ENOX1: variants seen among roughly 807,000 people sequenced by gnomAD.
ENOX1 encodes the protein candidate growth-related and time keeping constitutive hydroquinone (NADH) oxidase.
In ENOX1, 42 loss-of-function variants were observed where a neutral mutation model predicts 82.5. That is an observed-to-expected ratio of 0.51 (90% CI 0.40 to 0.66). The LOEUF (loss-of-function observed/expected upper bound fraction) is 0.66, where lower values mean the gene tolerates loss of function less well. Among genes scored for constraint, ENOX1 ranks in the 30% least tolerant of loss-of-function variants. The pLI is 0.00. For synonymous variants in ENOX1, 271 were observed against 282.2 expected (o/e 0.96, Z 0.40); for missense variants, 608 against 811.6 (o/e 0.75, Z 3.05).
At chr13:43,651,694 C>A (rs1237504) in intron 2 of ENOX1, among the ~76,000 whole-genome samples, 1 of 56,824 alleles carries the variant, frequency 1.8e-5, no homozygotes, top group Non-Finnish European at 4.7e-5. Flanking sequence ...GAGACTCTGT[C>A]TAAAAAAAAA....
At chr13:43,767,393 C>T (rs1218358536) in intron 1 of ENOX1, among the ~76,000 whole-genome samples, 1 of 152,114 alleles carries the variant, frequency 6.6e-6, no homozygotes, top group Non-Finnish European at 1.5e-5. Context: ...GAACCTGTGC[C>T]CTGAAGTATG....
rs1246980151 is a variant in ENOX1, at chr13:43,674,141, T to C, written c.-284-6597A>G. Among the ~76,000 whole-genome samples the C allele has an allele frequency of 2.0e-5, 3 of 152,196 alleles. No homozygotes were observed. The East Asian group carries it at 5.8e-4, about 29-fold the overall frequency. ...TAAGAGTAAAGCTAAAAAGAACGAA[T>C]GTCCAAGACACACATGCATTTAACT... On this transcript the variant is annotated intron_variant, in intron 1 of 16. Transcript: ENST00000690772.
At chr13:43,781,948 A>T (rs982423080) in intron 1 of ENOX1, among the ~76,000 whole-genome samples, 4 of 152,200 alleles carry the variant, frequency 2.6e-5, no homozygotes, top group Non-Finnish European at 4.4e-5. Context: ...TTATATATTT[A>T]TTTGTTTGCT....
chr13:43,585,791 C>G (rs901654087), intron 2 of ENOX1, among the ~76,000 whole-genome samples: 2 of 152,146 alleles, frequency 1.3e-5, no homozygotes, highest in Non-Finnish European at 2.9e-5. Flanking sequence ...GTTGGCCAGG[C>G]TGGTCTCGAA....
At chr13:43,610,549 A>C (rs1285111937) in intron 2 of ENOX1, among the ~76,000 whole-genome samples, 2 of 152,212 alleles carry the variant, frequency 1.3e-5, no homozygotes, top group African/African-American at 4.8e-5. Context: ...GAACAGGATT[A>C]GTTCACGCAC....
intron 12 of ENOX1, among the ~76,000 whole-genome samples, chr13:43,281,106 C>A (rs1311784360): frequency 6.6e-6 from 1 of 152,140 alleles, no homozygotes. Context: ...GAACAGTTTC[C>A]CCATAGGCTT....
intron 12 of ENOX1, among the ~76,000 whole-genome samples, chr13:43,295,028 A>C (rs1056569901): frequency 6.6e-6 from 1 of 152,246 alleles, no homozygotes. Context: ...TGATTGTGGT[A>C]GTGGTGGTTA....
chr13:43,588,260 T>C (rs1168290698), intron 2 of ENOX1, among the ~76,000 whole-genome samples: 1 of 152,198 alleles, frequency 6.6e-6, no homozygotes, highest in Non-Finnish European at 1.5e-5. Context: ...ATTATCTTAT[T>C]AAAGCAAAAT....
intron 2 of ENOX1, among the ~76,000 whole-genome samples, chr13:43,593,366 G>C (rs2081323801): frequency 6.6e-6 from 1 of 152,092 alleles, no homozygotes; most frequent in African/African-American, 2.4e-5. Flanking sequence ...TGGGGAGAGA[G>C]TGACCTTGAG....
Position 43,538,848 on chromosome 13 carries a change from C to T in ENOX1, c.-218-54696G>A, listed in dbSNP as rs183571220. 1.7e-3 allele frequency among the ~76,000 whole-genome samples: 260 copies of T among 151,978 alleles called. 1 individual carries two copies. Among genetic ancestry groups the T allele is most frequent in the Non-Finnish European group, 2.7e-3 (186 of 67,978 alleles). On this transcript the variant is annotated intron_variant, in intron 2 of 16. Transcript: ENST00000690772. ...CTCCCCGCCCCTGCCCTTTTGGAGA[C>T]GGGGTCTCACTCTCATTCACACTGG...
chr13:43,285,094 T>C (rs2045616671), intron 12 of ENOX1, among the ~76,000 whole-genome samples: 1 of 152,172 alleles, frequency 6.6e-6, no homozygotes. Context: ...GAGGACCAGA[T>C]TGGGCACTAA....
At chr13:43,758,900 C>CA (rs924496293) in intron 1 of ENOX1, among the ~76,000 whole-genome samples, 126 of 152,146 alleles carry the variant, frequency 8.3e-4, no homozygotes, top group African/African-American at 2.9e-3. Context: ...GTCATAAATT[C>CA]AAAATTTTAT....
chr13:43,344,669 T>A lies in ENOX1; in HGVS notation c.905A>T (p.Gln302Leu), dbSNP rs2049272864. Reference sequence around the variant, plus strand: ...GGCCGACTGCACCATGGAATAGAACTGGTTTGCAGAGCGCCGATTCACTTC... The same window carrying A: ...GGCCGACTGCACCATGGAATAGAACAGGTTTGCAGAGCGCCGATTCACTTC... ...RGEVNRRSANQFYSMVQSANS... is the reference protein window; with the variant it reads ...RGEVNRRSANLFYSMVQSANS... Residue 302 changes from glutamine (Q) to leucine (L), a missense_variant, in exon 9 of 17, where the codon CAG becomes CTG. Physicochemically the swap from Gln to Leu is moderately radical, Grantham distance 113 (BLOSUM62 -2). Coordinates refer to ENST00000690772, the MANE Select transcript of ENOX1 (RefSeq NM_001347969.2). The A allele has an allele frequency of 3.1e-6, 5 of 1,614,152 alleles. No homozygotes were observed. The highest frequency in any genetic ancestry group is 3.4e-6 in the Non-Finnish European group (4 of 1,180,018).
chr13:43,672,301 A>G (rs541661921), intron 1 of ENOX1, among the ~76,000 whole-genome samples: 2 of 152,360 alleles, frequency 1.3e-5, no homozygotes, highest in South Asian at 4.1e-4. Context: ...TTAAGTACTT[A>G]CTAAAGTAAA....
At chr13:43,251,840 C>G (rs943154733) in intron 14 of ENOX1, among the ~76,000 whole-genome samples, 1 of 152,098 alleles carries the variant, frequency 6.6e-6, no homozygotes, top group African/African-American at 2.4e-5. Flanking sequence ...GATGGTTATT[C>G]CATTTTCACC....
At chr13:43,439,552 G>C (rs953039930) in intron 3 of ENOX1, among the ~76,000 whole-genome samples, 1 of 152,072 alleles carries the variant, frequency 6.6e-6, no homozygotes, top group African/African-American at 2.4e-5. Flanking sequence ...AGTGTTCCTG[G>C]CTTCAACTTG....
chr13:43,289,629 G>A (rs1372079151), intron 12 of ENOX1, among the ~76,000 whole-genome samples: 1 of 152,120 alleles, frequency 6.6e-6, no homozygotes, highest in Non-Finnish European at 1.5e-5. Context: ...AATCCTAGAA[G>A]CCAATCTGGA....
intron 15 of ENOX1, 60 bp downstream of exon 15, chr13:43,236,576 T>A (rs1357767990): frequency 2.9e-6 from 3 of 1,028,712 alleles, no homozygotes; most frequent in Non-Finnish European, 4.2e-6. Context: ...AACTAAAATA[T>A]TAAGTTAATT....
At chr13:43,243,338 T>C (rs1353818839) in intron 14 of ENOX1, among the ~76,000 whole-genome samples, 3 of 152,218 alleles carry the variant, frequency 2.0e-5, no homozygotes, top group African/African-American at 7.2e-5. Context: ...ATTCATTCTC[T>C]ACTATCCCCT....
Sources: allele counts gnomAD v4.1 joint callset (sites outside exome capture counted in the v4.1 genomes callset), GRCh38; gene constraint gnomAD v4.1.1; transcripts MANE v1.5; gene names NCBI Gene and HGNC (gene_info 2026-07-23, HGNC 2026-07-21).